The following DGKA variants were observed in gnomAD, a reference collection of about 807,000 sequenced individuals.
The protein encoded by DGKA is 80 kDa diacylglycerol kinase.
Under a neutral mutation model 105.0 loss-of-function variants are expected in DGKA, and 35 were observed. The observed-to-expected ratio is 0.33, with a 90% CI of 0.25 to 0.44. The LOEUF (loss-of-function observed/expected upper bound fraction) is 0.44, where lower values mean the gene tolerates loss of function less well. Ranked by LOEUF, DGKA falls within the 20% of genes least tolerant of loss-of-function variation. The pLI is 1.00. For missense variants in DGKA, 665 were observed against 915.0 expected (o/e 0.73, Z 3.53); for synonymous variants, 296 against 332.0 (o/e 0.89, Z 1.18).
At chr12:55,937,124 A>G in intron 3 of DGKA, 34 bp downstream of exon 3, 1 of 1,608,472 alleles carries the variant, frequency 6.2e-7, no homozygotes, top group Non-Finnish European at 8.5e-7. Context: ...CTTCTTGATC[A>G]ACTCTTCCCA....
In DGKA at chr12:55,940,900, T is replaced by A. The variant is rs1470538989; in HGVS notation, c.1021T>A (p.Ser341Thr). ...CTCTACTTTCTTCCCCTCCCAGGCC[T>A]CTGGACCGGATCGTAAAAATAGCAA... is the stretch of plus-strand genomic sequence containing the variant. ...PSSIYPSVLA[S>T]GPDRKNSKTS... Residue 341 changes from serine to threonine, a missense_variant, in exon 13 of 24, where the codon TCT becomes ACT. Ser to Thr is a moderately conservative substitution (Grantham distance 58). This residue lies in a region of DGKA where 504 missense variants were observed against 681.2 expected (regional missense o/e 0.74). Coordinates refer to ENST00000331886, the MANE Select transcript of DGKA (RefSeq NM_001345.5). This position sits in a 1 kb window ranked among gnomAD's most constrained non-coding sequence, Gnocchi z 4.3. 21 of 1,614,108 alleles carry A rather than the reference T, an allele frequency of 1.3e-5. No homozygotes were observed. The highest frequency in any genetic ancestry group is 1.8e-5 in the Non-Finnish European group (21 of 1,180,010).
intron 22 of DGKA, 22 bp from the exon 23 acceptor site, chr12:55,953,328 A>T: frequency 6.2e-7 from 1 of 1,613,876 alleles, no homozygotes; most frequent in Admixed American, 1.7e-5. Flanking sequence ...GGAAATCACC[A>T]ATGTTCCTTG....
intron 3 of DGKA, 68 bp from the exon 4 acceptor site, chr12:55,937,340 A>G: frequency 6.4e-7 from 1 of 1,559,724 alleles, no homozygotes; most frequent in Non-Finnish European, 8.8e-7. Flanking sequence ...TGTCCCCGCT[A>G]CTCCCAATTC....
chr12:55,943,654 C>CT (rs1017764912), intron 17 of DGKA, among the ~76,000 whole-genome samples: 46 of 147,646 alleles, frequency 3.1e-4, no homozygotes, highest in Non-Finnish European at 5.1e-4. Context: ...TTTCTTTTCT[C>CT]TTTTTTTTTT....
At chr12:55,935,247 T>C (rs1884399652) in intron 1 of DGKA, 4 of 152,236 alleles carry the variant, frequency 2.6e-5, no homozygotes, top group South Asian at 2.1e-4. Context: ...TTTTCATATA[T>C]TGTTTTACGT....
intron 5 of DGKA, 162 bp from the exon 6 acceptor site, chr12:55,938,349 C>T: frequency 1.1e-6 from 1 of 887,088 alleles, no homozygotes; most frequent in Non-Finnish European, 1.8e-6. Context: ...AGAGTCCATG[C>T]CTGTTTTCCT....
rs1439288952 is a variant in DGKA at position 55,953,134 on chromosome 12, G to A, written c.2037G>A (p.Leu679=). The A allele has an allele frequency of 2.5e-6, 4 of 1,614,066 alleles. No homozygotes were observed. The South Asian group carries it at 4.4e-5, about 18-fold the overall frequency. Residue 679 remains leucine (L), a synonymous_variant, in exon 22 of 24, where the codon CTG becomes CTA. Coordinates refer to ENST00000331886, the MANE Select transcript of DGKA (RefSeq NM_001345.5). ...YTKLKNAGRR[L]AKCSEITFHT... Reference sequence around the variant, plus strand: ...AGCTCAAGAATGCTGGACGTCGGCTGGCCAAGTGCTCTGAGATCACCTTCC... The same window carrying A: ...AGCTCAAGAATGCTGGACGTCGGCTAGCCAAGTGCTCTGAGATCACCTTCC...
chr12:55,937,144 T>C, intron 3 of DGKA, 54 bp downstream of exon 3: 2 of 1,589,732 alleles, frequency 1.3e-6, no homozygotes, highest in South Asian at 1.1e-5. Flanking sequence ...ATCTTTGTTT[T>C]TGATCCCCAA....
intron 23 of DGKA, 98 bp from the exon 24 acceptor site, chr12:55,953,587 C>T (rs1427859947): frequency 4.3e-6 from 6 of 1,406,612 alleles, no homozygotes; most frequent in Non-Finnish European, 5.0e-6. Flanking sequence ...AGGAACCTAG[C>T]AACCCACCCC....
intron 4 of DGKA, 30 bp downstream of exon 4, chr12:55,937,573 G>A (rs1885006382): frequency 6.2e-7 from 1 of 1,601,708 alleles, no homozygotes; most frequent in Admixed American, 1.7e-5. Flanking sequence ...ACTGGGCTAA[G>A]CCTCTGGCAG....
intron 5 of DGKA, 22 bp from the exon 6 acceptor site, chr12:55,938,489 G>GC: frequency 1.2e-6 from 2 of 1,613,386 alleles, no homozygotes; most frequent in Non-Finnish European, 1.7e-6. Context: ...ACTGACCCTG[G>GC]CCCCCCTAAA....
chr12:55,940,320 T>C lies in DGKA; in HGVS notation c.805T>C (p.Ser269Pro). ...AKSRKDIGVQ[S>P]HVWVRGGCES... ...AACTGCCTTTCTCCCCAAGGTCCAA[T>C]CACATGTGTGGGTGCGAGGAGGCTG... Residue 269 changes from serine (S) to proline (P), a missense_variant, in exon 11 of 24, where the codon TCA (serine) becomes CCA (proline). By Grantham distance (74) the Ser-to-Pro change is moderately conservative. Transcript: ENST00000331886. The surrounding 1 kb of genome is among the most constrained non-coding windows in gnomAD (Gnocchi z 4.3). 6.2e-7 allele frequency: 1 copy of C among 1,614,194 alleles called. No individual in the cohort carries two copies. The highest frequency in any genetic ancestry group is 8.5e-7 in the Non-Finnish European group (1 of 1,180,038).
intron 15 of DGKA, 45 bp downstream of exon 15, chr12:55,941,629 G>C: frequency 6.3e-7 from 1 of 1,585,298 alleles, no homozygotes; most frequent in South Asian, 1.1e-5. Flanking sequence ...TCGTGGGTCT[G>C]TGTATCTGTA....
chr12:55,927,611 C>G (rs574379306), upstream of DGKA: 57 of 1,377,966 alleles, frequency 4.1e-5, no homozygotes, highest in South Asian at 7.3e-4. Flanking sequence ...CCTATCTAAC[C>G]CTAAGAAGGT....
At chr12:55,927,494 C>G, upstream of DGKA, 1 of 693,160 alleles carries the variant, frequency 1.4e-6, no homozygotes, top group Non-Finnish European at 2.5e-6. Context: ...GGAAGAATAT[C>G]CAGGCTCTGG....
In DGKA at chr12:55,952,186, A is replaced by G; in HGVS notation, c.1652+87A>G. 1.9e-6 allele frequency: 3 copies of G among 1,574,512 alleles called. No individual in the cohort carries two copies. The highest frequency in any genetic ancestry group is 2.6e-6 in the Non-Finnish European group (3 of 1,144,694). On this transcript the variant is annotated intron_variant, in intron 19 of 23. Coordinates refer to ENST00000331886, the MANE Select transcript of DGKA (RefSeq NM_001345.5). This position sits in a 1 kb window ranked among gnomAD's most constrained non-coding sequence, Gnocchi z 5.1. ...TTTGACTCAGATTGCTCAGAAGAAC[A>G]GTGGCACCTCTAGGAGGTCCCCCCA...
Position 55,932,625 on chromosome 12 carries a change from G to A in DGKA, c.-82+1281G>A. 1 of 701,392 alleles carries A rather than the reference G, an allele frequency of 1.4e-6. No homozygotes were observed. Among genetic ancestry groups the A allele is most frequent in the Non-Finnish European group, 2.6e-6 (1 of 384,542 alleles). 43.4% of individuals were successfully genotyped at this position (701,392 alleles called of 1,614,324 possible). A position where few individuals can be genotyped will look rare whatever the true frequency, so the allele number is the denominator to read the frequency against. ...TGGGCATCTCTTCAGCCTCAGCACA[G>A]ACAAGCCCACATCCCCCAACCATGC... On this transcript the variant is annotated intron_variant, in intron 1 of 23. Transcript: ENST00000331886. The surrounding 1 kb of genome is among the most constrained non-coding windows in gnomAD (Gnocchi z 4.3).
At position 55,932,309 on chromosome 12, in the gene DGKA, C is replaced by A. The variant is rs772698; in HGVS notation, c.-82+965C>A. On this transcript the variant is annotated intron_variant, in intron 1 of 23. Coordinates refer to ENST00000331886, the MANE Select transcript of DGKA (RefSeq NM_001345.5). The surrounding 1 kb of genome is among the most constrained non-coding windows in gnomAD (Gnocchi z 4.3). Reference sequence around the variant, plus strand: ...GGGGGTGCAGCGGGAGGGCTGGGCCCGAACCCGGTGGGTAACGTTTCCCAG... The same window carrying A: ...GGGGGTGCAGCGGGAGGGCTGGGCCAGAACCCGGTGGGTAACGTTTCCCAG... 0.014 allele frequency: 7,854 copies of A among 554,786 alleles called. 489 individuals carry two copies. The highest frequency in any genetic ancestry group is 0.13 in the African/African-American group (6,885 of 52,836). 34.4% of individuals were successfully genotyped at this position (554,786 alleles called of 1,614,324 possible).
At position 55,938,742 on chromosome 12, in the gene DGKA, A is replaced by T. The variant is rs192667576; in HGVS notation, c.400-173A>T. On this transcript the variant is annotated intron_variant, in intron 6 of 23. Transcript: ENST00000331886. ...ACCCCTCAAAGAGAATGCTGGATAC[A>T]TGAATTGGGTCTGCCTTACAAACAT... is the stretch of plus-strand genomic sequence containing the variant. 2.1e-4 allele frequency: 326 copies of T among 1,535,426 alleles called. 6 individuals are homozygous for T. The East Asian group carries it at 3.7e-3, about 17-fold the overall frequency.
Sources: allele counts gnomAD v4.1 joint callset (sites outside exome capture counted in the v4.1 genomes callset), GRCh38; gene constraint gnomAD v4.1.1; regional missense constraint gnomAD v4.1.1; non-coding constraint Gnocchi (gnomAD v3.1); transcripts MANE v1.5; gene names NCBI Gene and HGNC (gene_info 2026-07-23, HGNC 2026-07-21).